The following ADGRL2 variants were observed in gnomAD, a reference collection of about 807,000 sequenced individuals.
ADGRL2 encodes calcium-independent alpha-latrotoxin receptor 2.
In ADGRL2, 44 loss-of-function variants were observed where a neutral mutation model predicts 157.4. The observed-to-expected ratio is 0.28, with a 90% CI of 0.22 to 0.36. The LOEUF (loss-of-function observed/expected upper bound fraction) is 0.36, where lower values mean the gene tolerates loss of function less well. Ranked by LOEUF, ADGRL2 falls within the 10% of genes least tolerant of loss-of-function variation. ADGRL2 has a pLI of 1.00. For missense variants in ADGRL2, 1,510 were observed against 1,768.9 expected (o/e 0.85, Z 2.63); for synonymous variants, 585 against 624.7 (o/e 0.94, Z 0.95).
At chr1:81,815,848 A>G (rs2090345673) in intron 1 of ADGRL2, among the ~76,000 whole-genome samples, 1 of 151,862 alleles carries the variant, frequency 6.6e-6, no homozygotes, top group Non-Finnish European at 1.5e-5. Context: ...GAATAGATTT[A>G]AAACAATGAT....
chr1:81,514,310 C>G (rs185453663), intron 2 of ADGRL2, among the ~76,000 whole-genome samples: 106 of 152,236 alleles, frequency 7.0e-4, no homozygotes, highest in African/African-American at 2.6e-3. Flanking sequence ...GGGGTAGTTA[C>G]AGCCGCAGAA....
intron 1 of ADGRL2, among the ~76,000 whole-genome samples, chr1:81,404,654 C>A (rs956339195): frequency 1.3e-5 from 2 of 152,170 alleles, no homozygotes; most frequent in African/African-American, 4.8e-5. Context: ...ATCTTAATTA[C>A]TTTCAATATA....
intron 3 of ADGRL2, among the ~76,000 whole-genome samples, chr1:81,663,632 A>T (rs1229104843): frequency 1.3e-5 from 2 of 152,152 alleles, no homozygotes; most frequent in African/African-American, 4.8e-5. Context: ...TTCTTAACCT[A>T]TCATTGTAAT....
At chr1:81,750,425 G>C (rs1343854920) in intron 1 of ADGRL2, among the ~76,000 whole-genome samples, 3 of 152,242 alleles carry the variant, frequency 2.0e-5, no homozygotes. Context: ...AATATTAAGA[G>C]AGAGAAAGTA....
intron 3 of ADGRL2, among the ~76,000 whole-genome samples, chr1:81,591,210 G>T (rs920208040): frequency 6.6e-6 from 1 of 152,124 alleles, no homozygotes; most frequent in Non-Finnish European, 1.5e-5. Flanking sequence ...AGAAAAGGGG[G>T]CTTACTAGCC....
chr1:81,892,928 G>C (rs1166956417), intron 2 of ADGRL2, among the ~76,000 whole-genome samples: 1 of 152,072 alleles, frequency 6.6e-6, no homozygotes, highest in Non-Finnish European at 1.5e-5. Context: ...TAAAACATTT[G>C]AGTATTTACT....
At chr1:81,408,996 C>G (rs1365463095) in intron 1 of ADGRL2, among the ~76,000 whole-genome samples, 1 of 152,202 alleles carries the variant, frequency 6.6e-6, no homozygotes, top group East Asian at 1.9e-4. Flanking sequence ...AAGCAATGTT[C>G]AGACTCAACT....
intron 3 of ADGRL2, among the ~76,000 whole-genome samples, chr1:81,646,890 A>G (rs1316495079): frequency 1.3e-5 from 2 of 152,224 alleles, no homozygotes; most frequent in East Asian, 1.9e-4. Context: ...GGATGATATG[A>G]GATTAAAATG....
chr1:81,427,588 T>G (rs574004739), intron 1 of ADGRL2: 1 of 728,028 alleles, frequency 1.4e-6, no homozygotes, highest in South Asian at 1.4e-5. Flanking sequence ...ATGGACATGG[T>G]GGATATAGGA....
chr1:81,326,465 A>G lies in ADGRL2; in HGVS notation c.-302+19956A>G, dbSNP rs368532720. Among the ~76,000 whole-genome samples, 16 of 152,312 alleles carry G rather than the reference A, an allele frequency of 1.1e-4. No homozygotes were observed. The East Asian group carries it at 2.3e-3, about 22-fold the overall frequency. ...TGATAAATTTCCACACTAAACACAA[A>G]CGTTGTTATTTGTCATATACTAACT... is the stretch of plus-strand genomic sequence containing the variant. On this transcript the variant is annotated intron_variant, in intron 1 of 24. Transcript: ENST00000370721.
intron 2 of ADGRL2, among the ~76,000 whole-genome samples, chr1:81,496,464 T>C (rs2078732216): frequency 1.3e-5 from 2 of 152,184 alleles, no homozygotes; most frequent in Non-Finnish European, 2.9e-5. Context: ...ATTCACCTAG[T>C]GACCACCTCT....
At chr1:81,946,549 T>C (rs1358363108) in intron 6 of ADGRL2, among the ~76,000 whole-genome samples, 1 of 152,088 alleles carries the variant, frequency 6.6e-6, no homozygotes, top group African/African-American at 2.4e-5. Flanking sequence ...TCTGCACATG[T>C]GATATCCCAA....
At chr1:81,392,589 G>T (rs12134889) in intron 1 of ADGRL2, among the ~76,000 whole-genome samples, 4,107 of 152,224 alleles carry the variant, frequency 0.027, 87 homozygotes, top group Middle Eastern at 0.086. Context: ...TAGATAAGCA[G>T]AAAATAAATT....
At chr1:81,443,040 T>C (rs2077537588) in intron 1 of ADGRL2, among the ~76,000 whole-genome samples, 1 of 152,184 alleles carries the variant, frequency 6.6e-6, no homozygotes, top group Non-Finnish European at 1.5e-5. Flanking sequence ...TTACAAAATC[T>C]TTAAATTCAA....
intron 2 of ADGRL2, among the ~76,000 whole-genome samples, chr1:81,769,581 TATTATA>T (rs1374379112): frequency 6.6e-6 from 1 of 151,514 alleles, no homozygotes; most frequent in Non-Finnish European, 1.5e-5. Flanking sequence ...CTGCCTAAAT[TATTATA>T]ATTATATAAT....
intron 3 of ADGRL2, among the ~76,000 whole-genome samples, chr1:81,927,458 A>G (rs974888072): frequency 2.0e-5 from 3 of 151,988 alleles, no homozygotes; most frequent in Admixed American, 6.6e-5. Context: ...TATATTTAAA[A>G]CTTTAAAAAA....
At chr1:81,360,395 G>A (rs2075957219) in intron 1 of ADGRL2, among the ~76,000 whole-genome samples, 1 of 151,792 alleles carries the variant, frequency 6.6e-6, no homozygotes, top group Non-Finnish European at 1.5e-5. Context: ...CAAACCAAGA[G>A]GACCAAAGGC....
chr1:81,810,642 G>A (rs2089745207), intron 1 of ADGRL2, among the ~76,000 whole-genome samples: 2 of 151,656 alleles, frequency 1.3e-5, no homozygotes, highest in African/African-American at 2.4e-5. Context: ...CATTAATTTT[G>A]ATAATATTCT....
chr1:81,696,543 G>A (rs1442827017), upstream of ADGRL2, among the ~76,000 whole-genome samples: 1 of 152,096 alleles, frequency 6.6e-6, no homozygotes, highest in African/African-American at 2.4e-5. Flanking sequence ...ACAAGGTCAG[G>A]AGATAGAGAT....
Sources: gnomAD v4.1 joint callset for allele counts (sites outside exome capture counted in the v4.1 genomes callset) on GRCh38, gnomAD v4.1.1 for gene constraint, MANE v1.5 for transcripts, NCBI Gene and HGNC (gene_info 2026-07-23, HGNC 2026-07-21) for gene names.